Variants in PLXNC1 observed in about 807,000 individuals in gnomAD.
The protein encoded by PLXNC1 is plexin-C1.
PLXNC1 carries 75 observed loss-of-function variants against 178.2 expected under a neutral mutation model. The ratio of observed to expected loss-of-function variants is 0.42; its 90% CI spans 0.35 to 0.51. PLXNC1 has a LOEUF of 0.51. PLXNC1 is among the 20% of genes least tolerant of loss of function. The pLI is 0.02. For synonymous variants in PLXNC1, 790 were observed against 779.9 expected (o/e 1.01, Z -0.22); for missense variants, 1,503 against 1,984.4 (o/e 0.76, Z 4.61).
At chr12:94,194,616 T>A (rs1218205936) in intron 4 of PLXNC1, among the ~76,000 whole-genome samples, 1 of 152,084 alleles carries the variant, frequency 6.6e-6, no homozygotes, top group Non-Finnish European at 1.5e-5. Flanking sequence ...TAGCTGGGTG[T>A]GGTGGCGCAT....
At chr12:94,224,863 C>A (rs1300518502) in intron 7 of PLXNC1, among the ~76,000 whole-genome samples, 2 of 152,124 alleles carry the variant, frequency 1.3e-5, no homozygotes, top group African/African-American at 2.4e-5. Flanking sequence ...GCCGGGATGG[C>A]GCCCCGCATT....
intron 1 of PLXNC1, among the ~76,000 whole-genome samples, chr12:94,165,123 T>C (rs146434168): frequency 1.3e-5 from 2 of 152,272 alleles, no homozygotes; most frequent in East Asian, 3.9e-4. Flanking sequence ...TTAGCGATTA[T>C]GCCCTAAGGG....
At chr12:94,297,482 A>C (rs1238413145) in intron 26 of PLXNC1, 59 bp downstream of exon 26, 2 of 1,170,690 alleles carry the variant, frequency 1.7e-6, no homozygotes, top group Non-Finnish European at 1.3e-6. Context: ...GATATGTTTG[A>C]CTTAATTTCC....
chr12:94,274,155 TAAAAAAAAAAAA>T (rs3060881), intron 21 of PLXNC1, among the ~76,000 whole-genome samples: 9 of 45,370 alleles, frequency 2.0e-4, no homozygotes, highest in African/African-American at 1.1e-3. Context: ...ACCCTGTCTC[TAAAAAAAAAAAA>T]AAAAAAAAAA....
At chr12:94,277,933 A>G (rs1966100967) in intron 21 of PLXNC1, 2 of 455,840 alleles carry the variant, frequency 4.4e-6, no homozygotes, top group Admixed American at 2.4e-5. Context: ...CATCTTCCAT[A>G]TGATTTGTGT....
intron 2 of PLXNC1, among the ~76,000 whole-genome samples, chr12:94,171,748 T>G (rs1246406519): frequency 1.3e-5 from 2 of 151,300 alleles, no homozygotes; most frequent in Non-Finnish European, 2.9e-5. Flanking sequence ...CAGGAAAGAG[T>G]CCCAGCTTGA....
At chr12:94,266,282 T>G (rs1965236405) in intron 21 of PLXNC1, among the ~76,000 whole-genome samples, 1 of 152,176 alleles carries the variant, frequency 6.6e-6, no homozygotes, top group Non-Finnish European at 1.5e-5. Flanking sequence ...CACTGCCAGA[T>G]GCGGCTCACT....
At chr12:94,297,280 TCTC>T (rs1156951745) in intron 25 of PLXNC1, 33 bp from the exon 26 acceptor site, 1 of 1,612,270 alleles carries the variant, frequency 6.2e-7, no homozygotes, top group Non-Finnish European at 8.5e-7. Context: ...GCAAGAGTGG[TCTC>T]CTTGGGTAAC....
In PLXNC1 at chr12:94,260,903, T is replaced by A; in HGVS notation, c.3450+63T>A. 7.3e-7 allele frequency: 1 copy of A among 1,372,516 alleles called. No homozygotes were observed. Among genetic ancestry groups the A allele is most frequent in the Non-Finnish European group, 1.0e-6 (1 of 971,932 alleles). 85.0% of individuals were successfully genotyped at this position (1,372,516 alleles called of 1,614,324 possible). ...CAATAGGCAGTTATTTTTAGCGGACTCTGATGCCTTTGCCAGGATAAATCC... is the reference window on the plus strand; with the variant it reads ...CAATAGGCAGTTATTTTTAGCGGACACTGATGCCTTTGCCAGGATAAATCC... On this transcript the variant is annotated intron_variant, in intron 20 of 30. Coordinates refer to ENST00000258526, the MANE Select transcript of PLXNC1 (RefSeq NM_005761.3). The surrounding 1 kb of genome is among the most constrained non-coding windows in gnomAD (Gnocchi z 4.4).
At chr12:94,237,590 G>C in intron 9 of PLXNC1, 74 bp from the exon 10 acceptor site, 1 of 1,334,148 alleles carries the variant, frequency 7.5e-7, no homozygotes, top group Non-Finnish European at 1.1e-6. Flanking sequence ...GAACTGCAGC[G>C]TATAAACAGA....
intron 4 of PLXNC1, among the ~76,000 whole-genome samples, chr12:94,202,910 C>T (rs1963184332): frequency 6.6e-6 from 1 of 152,114 alleles, no homozygotes; most frequent in Non-Finnish European, 1.5e-5. Context: ...GGCATGTAGA[C>T]AGGAGAGTCT....
chr12:94,295,908 C>T (rs1045706464), intron 24 of PLXNC1, among the ~76,000 whole-genome samples: 2 of 152,194 alleles, frequency 1.3e-5, no homozygotes, highest in African/African-American at 4.8e-5. Context: ...GCACTCTTTA[C>T]AGAGAAAACT....
At chr12:94,286,921 T>A (rs1287935768) in intron 23 of PLXNC1, among the ~76,000 whole-genome samples, 2 of 152,126 alleles carry the variant, frequency 1.3e-5, no homozygotes, top group Non-Finnish European at 2.9e-5. Flanking sequence ...GACAAAAATA[T>A]AGCATCTCAT....
chr12:94,290,965 G>A (rs142859172), intron 23 of PLXNC1, among the ~76,000 whole-genome samples: 2 of 152,250 alleles, frequency 1.3e-5, no homozygotes, highest in East Asian at 1.9e-4. Flanking sequence ...TTTTGTGAAT[G>A]AGCCCCTCCT....
At chr12:94,169,056 T>C (rs953234649) in intron 1 of PLXNC1, 97 bp from the exon 2 acceptor site, 11 of 1,120,622 alleles carry the variant, frequency 9.8e-6, no homozygotes, top group Non-Finnish European at 1.1e-5. Context: ...AGTGAGATCC[T>C]GCCTAGGAGG....
rs533149746 is a variant in PLXNC1, at chr12:94,158,745, G to A, written c.1062+8712G>A. On this transcript the variant is annotated intron_variant, in intron 1 of 30. Transcript: ENST00000258526. Reference sequence around the variant, plus strand: ...GAGCCCGGGAGTTAAAATCCAGCCTGAACAACGTAACACGACCCTGTCTCT... The same window carrying A: ...GAGCCCGGGAGTTAAAATCCAGCCTAAACAACGTAACACGACCCTGTCTCT... Among the ~76,000 whole-genome samples the A allele has an allele frequency of 2.1e-4, 32 of 152,304 alleles. No homozygotes were observed. In the Middle Eastern group the frequency reaches 0.01, roughly 49 times the overall value.
Position 94,298,007 on chromosome 12 carries a change from A to G in PLXNC1, c.4074+584A>G, listed in dbSNP as rs983770223. ...CTCCCCCTCTGGAATGATGAGCACT[A>G]TAAATGCTATGATCTACACTTGGCC... On this transcript the variant is annotated intron_variant, in intron 26 of 30. Coordinates refer to ENST00000258526, the MANE Select transcript of PLXNC1 (RefSeq NM_005761.3). Among the ~76,000 whole-genome samples the G allele has an allele frequency of 6.7e-5, 10 of 149,892 alleles. No individual in the cohort carries two copies. The East Asian group carries it at 9.9e-4, about 15-fold the overall frequency.
Position 94,265,268 on chromosome 12 carries a change from C to G in PLXNC1, c.3597+43C>G, listed in dbSNP as rs771564682. The G allele has an allele frequency of 6.4e-6, 10 of 1,561,512 alleles. No individual in the cohort carries two copies. The Admixed American group carries it at 1.4e-4, about 22-fold the overall frequency. The stretch of plus-strand genomic sequence containing the variant: ...CTCCCAGCCAGACTCCCAAATAAAT[C>G]TGGCGGGGAATTAGAGGGTGAGGTG... On this transcript the variant is annotated intron_variant, in intron 21 of 30. Coordinates refer to ENST00000258526, the MANE Select transcript of PLXNC1 (RefSeq NM_005761.3).
chr12:94,279,508 G>C lies in PLXNC1; in HGVS notation c.3634G>C (p.Glu1212Gln). ...NVVFEKIPENESADVCRNISV... is the reference protein window; with the variant it reads ...NVVFEKIPENQSADVCRNISV... ...CGTCTTTGAAAAAATCCCGGAAAAC[G>C]AGAGTGCAGATGTCTGTCGGAATAT... is the stretch of plus-strand genomic sequence containing the variant. Residue 1212 changes from glutamate to glutamine, a missense_variant, in exon 22 of 31, where the codon GAG becomes CAG. Around this residue, in one of 4 missense-constraint regions of PLXNC1, gnomAD observed 639 missense variants for 979.7 expected, o/e 0.65. Transcript: ENST00000258526. 1 of 1,613,808 alleles carries C rather than the reference G, an allele frequency of 6.2e-7. No individual in the cohort carries two copies. Among genetic ancestry groups the C allele is most frequent in the South Asian group, 1.1e-5 (1 of 91,048 alleles).
Sources: allele counts gnomAD v4.1 joint callset (sites outside exome capture counted in the v4.1 genomes callset), GRCh38; gene constraint gnomAD v4.1.1; regional missense constraint gnomAD v4.1.1; non-coding constraint Gnocchi (gnomAD v3.1); transcripts MANE v1.5; gene names NCBI Gene and HGNC (gene_info 2026-07-23, HGNC 2026-07-21).